Variants in IQCM observed in about 807,000 individuals in gnomAD.
IQCM encodes IQ domain-containing protein M.
A neutral mutation model predicts 57.6 loss-of-function variants in IQCM; 45 were observed. That is an observed-to-expected ratio of 0.78 (90% confidence interval 0.62 to 1.00). The LOEUF is 1.00. Ranked by LOEUF, IQCM falls within the 50% of genes least tolerant of loss-of-function variation. The pLI is 0.00. For synonymous variants in IQCM, 148 were observed against 158.9 expected (o/e 0.93, Z 0.51); for missense variants, 468 against 511.6 (o/e 0.91, Z 0.82).
intron 7 of IQCM, among the ~76,000 whole-genome samples, chr4:149,645,182 G>T (rs751107922): frequency 1.3e-5 from 2 of 152,088 alleles, no homozygotes. Flanking sequence ...TATACATGTA[G>T]GTTTTTAAAA....
chr4:149,717,382 G>A (rs746703140), intron 5 of IQCM, among the ~76,000 whole-genome samples: 11 of 152,170 alleles, frequency 7.2e-5, no homozygotes, highest in East Asian at 1.9e-4. Flanking sequence ...ATTCCCATAC[G>A]TTTTGGTGAC....
intron 7 of IQCM, among the ~76,000 whole-genome samples, chr4:149,641,525 G>C (rs544068293): frequency 6.6e-6 from 1 of 152,166 alleles, no homozygotes; most frequent in East Asian, 1.9e-4. Context: ...ATTTTTTAAA[G>C]TTTGTGTGTT....
chr4:149,744,583 T>C (rs1767750282), intron 2 of IQCM, among the ~76,000 whole-genome samples: 1 of 152,064 alleles, frequency 6.6e-6, no homozygotes, highest in African/African-American at 2.4e-5. Context: ...GGCATGGTAA[T>C]GTCCCTGCAA....
intron 12 of IQCM, among the ~76,000 whole-genome samples, chr4:149,490,144 A>G (rs184337151): frequency 1.5e-3 from 232 of 152,072 alleles, no homozygotes; most frequent in African/African-American, 5.3e-3. Flanking sequence ...AAAAAAGTCA[A>G]AGTACTAAAC....
At chr4:149,415,678 C>T (rs544111461) in intron 13 of IQCM, among the ~76,000 whole-genome samples, 2 of 152,048 alleles carry the variant, frequency 1.3e-5, no homozygotes, top group Admixed American at 6.6e-5. Context: ...AGGGATGAGA[C>T]TAATAATAGA....
chr4:149,407,527 C>CT (rs1733072780), intron 13 of IQCM, among the ~76,000 whole-genome samples: 1 of 152,012 alleles, frequency 6.6e-6, no homozygotes, highest in African/African-American at 2.4e-5. Flanking sequence ...TGTCCATGTA[C>CT]CCATTGATTA....
In IQCM at chr4:149,669,721, T is replaced by G. The variant is rs1019522075; in HGVS notation, c.565+12397A>C. On this transcript the variant is annotated intron_variant, in intron 7 of 13. Transcript: ENST00000636793. The stretch of plus-strand genomic sequence containing the variant: ...GCTAGCCGGTTTTCCCAGCACCATT[T>G]ATTAAATAGGGAATCCTTTCCCCAT... Among the ~76,000 whole-genome samples, 78 of 152,346 alleles carry G rather than the reference T, an allele frequency of 5.1e-4. 1 individual carries two copies. The highest frequency in any genetic ancestry group is 1.8e-3 in the African/African-American group (75 of 41,606).
intron 5 of IQCM, among the ~76,000 whole-genome samples, chr4:149,705,134 ATATATC>A (rs1486034071): frequency 6.8e-6 from 1 of 147,828 alleles, no homozygotes; most frequent in Non-Finnish European, 1.5e-5. Flanking sequence ...AATAAATCAT[ATATATC>A]TATATTATAC....
intron 12 of IQCM, among the ~76,000 whole-genome samples, chr4:149,479,840 G>A (rs1740586805): frequency 6.6e-6 from 1 of 152,164 alleles, no homozygotes; most frequent in Non-Finnish European, 1.5e-5. Flanking sequence ...CATGCATAGG[G>A]AGCCCAAGAC....
chr4:149,402,497 T>C (rs1289012676), intron 13 of IQCM, among the ~76,000 whole-genome samples: 2 of 151,814 alleles, frequency 1.3e-5, no homozygotes, highest in African/African-American at 4.8e-5. Context: ...TAGGCCATGA[T>C]CAATTATTTC....
At chr4:149,399,295 G>A (rs1208023340) in intron 13 of IQCM, among the ~76,000 whole-genome samples, 1 of 151,812 alleles carries the variant, frequency 6.6e-6, no homozygotes, top group Non-Finnish European at 1.5e-5. Context: ...GCAGGTTTTG[G>A]TTCCCACTGG....
At chr4:149,359,623 G>A (rs1198201072) in intron 13 of IQCM, among the ~76,000 whole-genome samples, 1 of 152,116 alleles carries the variant, frequency 6.6e-6, no homozygotes, top group African/African-American at 2.4e-5. Context: ...ACGATTTACA[G>A]GCTGGATTTT....
chr4:149,672,625 T>C (rs934025463), intron 7 of IQCM, among the ~76,000 whole-genome samples: 69 of 152,098 alleles, frequency 4.5e-4, no homozygotes, highest in Non-Finnish European at 1.8e-4. Flanking sequence ...TATGAGACTA[T>C]GTGAAAAGAC....
chr4:149,609,916 A>G (rs1187678357), intron 8 of IQCM, among the ~76,000 whole-genome samples: 1 of 151,936 alleles, frequency 6.6e-6, no homozygotes, highest in Non-Finnish European at 1.5e-5. Flanking sequence ...AAGGGCATCA[A>G]AATTGAAAAG....
At chr4:149,501,619 C>CA (rs1164094258) in intron 12 of IQCM, among the ~76,000 whole-genome samples, 1 of 151,988 alleles carries the variant, frequency 6.6e-6, no homozygotes. Context: ...GTAAATTATA[C>CA]AAAAAAGTAC....
At chr4:149,592,645 G>C (rs1356663578) in intron 8 of IQCM, among the ~76,000 whole-genome samples, 1 of 147,908 alleles carries the variant, frequency 6.8e-6, no homozygotes, top group Non-Finnish European at 1.5e-5. Flanking sequence ...TAAGGTGTAA[G>C]GAAGGGATCC....
At chr4:149,358,844 C>CAGTAAATCATGATATACTCTCATG in intron 13 of IQCM, among the ~76,000 whole-genome samples, 1 of 108,116 alleles carries the variant, frequency 9.2e-6, no homozygotes, top group African/African-American at 3.9e-5. Flanking sequence ...GCACAGTGGA[C>CAGTAAATCATGATATACTCTCATG]AGTATATCAT....
At chr4:149,416,566 G>A (rs753889008) in intron 13 of IQCM, among the ~76,000 whole-genome samples, 9 of 152,018 alleles carry the variant, frequency 5.9e-5, no homozygotes, top group Non-Finnish European at 7.4e-5. Flanking sequence ...TGTCTAGGTC[G>A]GTGATTCTAG....
intron 13 of IQCM, among the ~76,000 whole-genome samples, chr4:149,364,094 A>T (rs2110935028): frequency 6.6e-6 from 1 of 152,316 alleles, no homozygotes; most frequent in Non-Finnish European, 1.5e-5. Flanking sequence ...GGAGATAAAA[A>T]CTGAACTGGA....
Sources: allele counts gnomAD v4.1 joint callset (sites outside exome capture counted in the v4.1 genomes callset), GRCh38; gene constraint gnomAD v4.1.1; transcripts MANE v1.5; gene names NCBI Gene and HGNC (gene_info 2026-07-23, HGNC 2026-07-21).